DTNB: variants seen among roughly 807,000 people sequenced by gnomAD.
DTNB encodes the protein dystrobrevin beta.
DTNB carries 63 observed loss-of-function variants against 90.7 expected under a neutral mutation model. That is an observed-to-expected ratio of 0.69 (90% CI 0.57 to 0.86). The LOEUF is 0.86. Among genes scored for constraint, DTNB ranks in the 40% least tolerant of loss-of-function variants. The pLI, the probability that DTNB is intolerant of heterozygous loss-of-function variation, is 0.00. For missense variants in DTNB, 744 were observed against 807.1 expected (o/e 0.92, Z 0.95); for synonymous variants, 277 against 286.7 (o/e 0.97, Z 0.34).
At chr2:25,384,660 C>A (rs144700356) in intron 18 of DTNB, among the ~76,000 whole-genome samples, 7 of 152,154 alleles carry the variant, frequency 4.6e-5, no homozygotes, top group African/African-American at 1.7e-4. Context: ...CCGTGAAAGG[C>A]GAGCCTGCAG....
intron 8 of DTNB, among the ~76,000 whole-genome samples, chr2:25,533,852 CT>C (rs756171055): frequency 6.6e-6 from 1 of 152,224 alleles, no homozygotes; most frequent in Non-Finnish European, 1.5e-5. Flanking sequence ...CAGCAAGTGC[CT>C]TTCCAGGCTA....
chr2:25,445,775 C>T (rs935699760), intron 12 of DTNB, among the ~76,000 whole-genome samples: 9 of 152,070 alleles, frequency 5.9e-5, no homozygotes, highest in Non-Finnish European at 1.0e-4. Context: ...TCAGCTCATT[C>T]CTCCTTCCAT....
chr2:25,649,527 T>C (rs2080361426), intron 2 of DTNB, among the ~76,000 whole-genome samples: 1 of 152,088 alleles, frequency 6.6e-6, no homozygotes, highest in Admixed American at 6.6e-5. Flanking sequence ...CCAGCCAGCC[T>C]GGGCACCATA....
At chr2:25,461,745 C>T (rs965962706) in intron 10 of DTNB, among the ~76,000 whole-genome samples, 9 of 152,192 alleles carry the variant, frequency 5.9e-5, no homozygotes, top group African/African-American at 1.7e-4. Context: ...TAACAACACT[C>T]CAGTAGGAAA....
intron 16 of DTNB, chr2:25,388,646 G>A: frequency 2.8e-6 from 1 of 356,916 alleles, no homozygotes; most frequent in South Asian, 6.0e-5. Context: ...GACAGAGTGA[G>A]CTGCGTGACT....
intron 2 of DTNB, among the ~76,000 whole-genome samples, chr2:25,642,420 AT>A (rs11375139): frequency 6.7e-4 from 98 of 146,494 alleles, no homozygotes; most frequent in Admixed American, 6.8e-4. Flanking sequence ...CTGGGACACT[AT>A]TTTTTTTTTT....
At chr2:25,486,183 C>T (rs1359428743) in intron 9 of DTNB, among the ~76,000 whole-genome samples, 1 of 152,042 alleles carries the variant, frequency 6.6e-6, no homozygotes. Context: ...AGCCTGCTGG[C>T]TGGGCACAGT....
intron 8 of DTNB, among the ~76,000 whole-genome samples, chr2:25,551,437 C>A (rs541567576): frequency 6.6e-6 from 1 of 152,164 alleles, no homozygotes; most frequent in East Asian, 1.9e-4. Flanking sequence ...CCAGGACTGA[C>A]CACTTGCAAT....
intron 3 of DTNB, among the ~76,000 whole-genome samples, chr2:25,630,144 T>C (rs1032494027): frequency 1.3e-5 from 2 of 152,188 alleles, no homozygotes; most frequent in African/African-American, 4.8e-5. Flanking sequence ...ATGCTCAACA[T>C]CATTAGTCAT....
At chr2:25,384,290 G>A (rs577635197) in intron 18 of DTNB, among the ~76,000 whole-genome samples, 5 of 152,110 alleles carry the variant, frequency 3.3e-5, no homozygotes, top group Non-Finnish European at 5.9e-5. Context: ...AGATTAACAC[G>A]GGGTTCTGTT....
intron 1 of DTNB, among the ~76,000 whole-genome samples, chr2:25,672,185 C>T (rs959662224): frequency 1.7e-5 from 2 of 116,912 alleles, no homozygotes; most frequent in African/African-American, 6.7e-5. Context: ...ACCTCAGAAC[C>T]GGGGTTGCCT....
intron 1 of DTNB, 46 bp from the exon 2 acceptor site, chr2:25,652,707 T>G (rs757842583): frequency 6.3e-7 from 1 of 1,585,404 alleles, no homozygotes; most frequent in Admixed American, 1.8e-5. Context: ...AATTCGACAA[T>G]TCAATCAAGT....
At chr2:25,421,607 GT>G (rs1362997244) in intron 15 of DTNB, among the ~76,000 whole-genome samples, 1 of 152,252 alleles carries the variant, frequency 6.6e-6, no homozygotes, top group African/African-American at 2.4e-5. Flanking sequence ...TGCTGGCACT[GT>G]GTTGAAGTGG....
rs2149103273 is a variant in DTNB at position 25,673,507 on chromosome 2, G to A, written c.-123C>T. ...CGGCAGCGCCTACTCAGGCCCCGGA[G>A]CCACCCCCGCGGCGAACGTTCGCAG... On this transcript the variant is annotated 5_prime_UTR_variant, in exon 1 of 21. Transcript: ENST00000406818. The A allele has an allele frequency of 6.6e-6, 1 of 150,654 alleles. No individual in the cohort carries two copies. Among genetic ancestry groups the A allele is most frequent in the Non-Finnish European group, 1.5e-5 (1 of 67,438 alleles). 9.3% of individuals were successfully genotyped at this position (150,654 alleles called of 1,614,324 possible). A position where few individuals can be genotyped will look rare whatever the true frequency, so the allele number is the denominator to read the frequency against.
At chr2:25,634,495 G>A (rs1204673416) in intron 3 of DTNB, among the ~76,000 whole-genome samples, 68 of 149,714 alleles carry the variant, frequency 4.5e-4, no homozygotes, top group African/African-American at 1.6e-3. Flanking sequence ...GCCTCTGCCC[G>A]GCTGCCCCTA....
intron 19 of DTNB, among the ~76,000 whole-genome samples, chr2:25,381,870 C>A (rs981074890): frequency 6.6e-6 from 1 of 152,262 alleles, no homozygotes; most frequent in Admixed American, 6.5e-5. Context: ...CCGTGAGACT[C>A]CAAAGACGAC....
In DTNB at chr2:25,389,846, TTGTGTGTG is replaced by T. The variant is rs68107964; in HGVS notation, c.1576-1493_1576-1486del. ...TTCTGTGGTTCTTACTTTGAATCAT[TTGTGTGTG>T]TGTGTGTGTGTGTGTGTGTGTGTGT... On this transcript the variant is annotated intron_variant, in intron 16 of 20. Coordinates refer to ENST00000406818, the MANE Select transcript of DTNB (RefSeq NM_021907.5). Among the ~76,000 whole-genome samples, 225 of 96,122 alleles carry T rather than the reference TTGTGTGTG, an allele frequency of 2.3e-3. 1 individual carries two copies. Among genetic ancestry groups the T allele is most frequent in the African/African-American group, 8.2e-3 (209 of 25,604 alleles). The allele number at this position is 96,122 out of a possible 152,430, so 63.1% of individuals were successfully genotyped here.
chr2:25,415,912 A>G lies in DTNB; in HGVS notation c.1575+3603T>C, dbSNP rs867623920. Among the ~76,000 whole-genome samples, 12 of 152,352 alleles carry G rather than the reference A, an allele frequency of 7.9e-5. 1 individual carries two copies. The highest frequency in any genetic ancestry group is 5.9e-4 in the Admixed American group (9 of 15,304). On this transcript the variant is annotated intron_variant, in intron 16 of 20. Coordinates refer to ENST00000406818, the MANE Select transcript of DTNB (RefSeq NM_021907.5). Reference sequence around the variant, plus strand: ...TTTAAAATCACTAGTAATAGTGAGTAAAGTGCTTCTCAGAGTTTCATGAAC... The same window carrying G: ...TTTAAAATCACTAGTAATAGTGAGTGAAGTGCTTCTCAGAGTTTCATGAAC...
In DTNB at chr2:25,424,027, C is replaced by A. The variant is rs190404963; in HGVS notation, c.1554+3508G>T. On this transcript the variant is annotated intron_variant, in intron 15 of 20. Transcript: ENST00000406818. The surrounding 1 kb of genome is among the most constrained non-coding windows in gnomAD (Gnocchi z 4.1). ...ATATATTTCTAATAGTAGGAAAACA[C>A]TGAAATTTTAACAGAAGTCAGTAAT... Among the ~76,000 whole-genome samples the A allele has an allele frequency of 3.9e-5, 6 of 152,270 alleles. No individual in the cohort carries two copies.
Sources: gnomAD v4.1 joint callset for allele counts (sites outside exome capture counted in the v4.1 genomes callset) on GRCh38, gnomAD v4.1.1 for gene constraint, Gnocchi (gnomAD v3.1) non-coding constraint, MANE v1.5 for transcripts, NCBI Gene and HGNC (gene_info 2026-07-23, HGNC 2026-07-21) for gene names.